Variants in NEGR1 observed in about 807,000 individuals in gnomAD.
NEGR1 encodes neuronal growth regulator 1.
Under a neutral mutation model 40.9 loss-of-function variants are expected in NEGR1, and 10 were observed. The ratio of observed to expected loss-of-function variants is 0.24; its 90% CI spans 0.15 to 0.42. NEGR1 has a LOEUF of 0.42. Among genes scored for constraint, NEGR1 ranks in the 10% least tolerant of loss-of-function variants. NEGR1 has a pLI of 1.00. For synonymous variants in NEGR1, 185 were observed against 166.8 expected (o/e 1.11, Z -0.84); for missense variants, 352 against 438.9 (o/e 0.80, Z 1.77).
intron 1 of NEGR1, among the ~76,000 whole-genome samples, chr1:72,122,912 A>G (rs1204486558): frequency 6.6e-6 from 1 of 151,944 alleles, no homozygotes; most frequent in Non-Finnish European, 1.5e-5. Flanking sequence ...AAACAACTCT[A>G]TATTCCATAA....
intron 4 of NEGR1, among the ~76,000 whole-genome samples, chr1:71,625,781 C>G (rs907040530): frequency 6.6e-6 from 1 of 151,858 alleles, no homozygotes; most frequent in Non-Finnish European, 1.5e-5. Flanking sequence ...TCGTGTGCCT[C>G]TAACATGAAT....
At chr1:72,127,100 TA>T (rs1001985704) in intron 1 of NEGR1, among the ~76,000 whole-genome samples, 88 of 152,156 alleles carry the variant, frequency 5.8e-4, no homozygotes, top group African/African-American at 2.0e-3. Context: ...CCACAACAGG[TA>T]ATAGCACCAT....
At chr1:71,932,412 T>C (rs1645864163) in intron 2 of NEGR1, among the ~76,000 whole-genome samples, 1 of 152,086 alleles carries the variant, frequency 6.6e-6, no homozygotes, top group Non-Finnish European at 1.5e-5. Context: ...ACTTAATAAT[T>C]GCCTAGTTTA....
At chr1:72,133,975 G>A (rs1037444142) in intron 1 of NEGR1, among the ~76,000 whole-genome samples, 1 of 151,574 alleles carries the variant, frequency 6.6e-6, no homozygotes, top group Non-Finnish European at 1.5e-5. Context: ...CCATAACTTT[G>A]TTATATAAGA....
chr1:71,499,029 C>T (rs1256754948), intron 6 of NEGR1, among the ~76,000 whole-genome samples: 5 of 152,152 alleles, frequency 3.3e-5, no homozygotes, highest in African/African-American at 1.2e-4. Context: ...AAGACACATA[C>T]AAATACCTTG....
At chr1:71,883,159 G>T (rs906818766) in intron 2 of NEGR1, among the ~76,000 whole-genome samples, 1 of 151,952 alleles carries the variant, frequency 6.6e-6, no homozygotes, top group Admixed American at 6.6e-5. Flanking sequence ...ACATTAGCTT[G>T]CTCATCAATA....
intron 4 of NEGR1, among the ~76,000 whole-genome samples, chr1:71,633,128 T>G (rs1213510): frequency 6.6e-6 from 1 of 151,868 alleles, no homozygotes; most frequent in African/African-American, 2.4e-5. Flanking sequence ...TAATTTAATA[T>G]GTAACACTCT....
At chr1:71,817,313 T>G (rs1414991745) in intron 2 of NEGR1, among the ~76,000 whole-genome samples, 1 of 152,102 alleles carries the variant, frequency 6.6e-6, no homozygotes, top group Non-Finnish European at 1.5e-5. Flanking sequence ...AAGATGGTAG[T>G]ACAAAGTGCC....
chr1:71,962,904 C>T (rs751467187), intron 1 of NEGR1, among the ~76,000 whole-genome samples: 25 of 151,394 alleles, frequency 1.7e-4, no homozygotes, highest in Non-Finnish European at 3.5e-4. Context: ...TAAACAACAA[C>T]AACAAAAACA....
At chr1:71,973,172 T>A (rs1048316961) in intron 1 of NEGR1, among the ~76,000 whole-genome samples, 9 of 151,886 alleles carry the variant, frequency 5.9e-5, no homozygotes, top group African/African-American at 1.9e-4. Context: ...AAAAATTAGC[T>A]GGGCGTGGTG....
intron 1 of NEGR1, among the ~76,000 whole-genome samples, chr1:71,998,338 A>G (rs1193181975): frequency 6.6e-6 from 1 of 151,976 alleles, no homozygotes; most frequent in Non-Finnish European, 1.5e-5. Flanking sequence ...TATTTCAGGC[A>G]GGAGGCTTTT....
chr1:71,539,213 A>G (rs777853899), intron 6 of NEGR1, among the ~76,000 whole-genome samples: 2 of 151,792 alleles, frequency 1.3e-5, no homozygotes, highest in African/African-American at 2.4e-5. Context: ...GCAAATAAGC[A>G]TCACTCTATA....
chr1:71,740,795 C>T (rs984591137), intron 3 of NEGR1, among the ~76,000 whole-genome samples: 1 of 151,900 alleles, frequency 6.6e-6, no homozygotes, highest in Non-Finnish European at 1.5e-5. Context: ...GATTAGTCTA[C>T]TTTTACTAGT....
At chr1:72,125,518 A>T (rs1649978521) in intron 1 of NEGR1, among the ~76,000 whole-genome samples, 1 of 152,124 alleles carries the variant, frequency 6.6e-6, no homozygotes, top group Admixed American at 6.6e-5. Flanking sequence ...ATTATTTGTA[A>T]GTAATTTGTA....
At chr1:71,847,040 T>C (rs1055248258) in intron 2 of NEGR1, among the ~76,000 whole-genome samples, 2 of 152,284 alleles carry the variant, frequency 1.3e-5, no homozygotes, top group African/African-American at 4.8e-5. Flanking sequence ...AATTCTTCTC[T>C]TTCTTTTCAC....
At position 71,928,500 on chromosome 1, in the gene NEGR1, A is replaced by ACT. The variant is rs1645821644; in HGVS notation, c.409+6578_409+6579insAG. Among the ~76,000 whole-genome samples the ACT allele has an allele frequency of 2.2e-5, 3 of 135,852 alleles. 1 individual carries two copies. The Admixed American group carries it at 2.5e-4, about 12-fold the overall frequency. 89.1% of individuals were successfully genotyped at this position (135,852 alleles called of 152,430 possible). ...CACATATATATGTATATATACACAT[A>ACT]TGTATACATGTGTATATATATACAC... On this transcript the variant is annotated intron_variant, in intron 2 of 6. Transcript: ENST00000357731.
intron 1 of NEGR1, among the ~76,000 whole-genome samples, chr1:72,156,051 C>G (rs1651343872): frequency 6.6e-6 from 1 of 152,044 alleles, no homozygotes; most frequent in Admixed American, 6.6e-5. Flanking sequence ...TGATCTAAGC[C>G]ATAACATTTG....
intron 4 of NEGR1, among the ~76,000 whole-genome samples, chr1:71,630,796 T>C (rs925650739): frequency 1.3e-5 from 2 of 151,940 alleles, no homozygotes; most frequent in Admixed American, 1.3e-4. Context: ...AAGATTCTAC[T>C]GGCATTCATT....
intron 1 of NEGR1, among the ~76,000 whole-genome samples, chr1:72,233,200 A>G (rs2100501447): frequency 6.6e-6 from 1 of 152,320 alleles, no homozygotes; most frequent in Non-Finnish European, 1.5e-5. Flanking sequence ...CCTGTTAAGA[A>G]CAATACATAA....
Sources: allele counts gnomAD v4.1 joint callset (sites outside exome capture counted in the v4.1 genomes callset), GRCh38; gene constraint gnomAD v4.1.1; transcripts MANE v1.5; gene names NCBI Gene and HGNC (gene_info 2026-07-23, HGNC 2026-07-21).